HECTD4: variants seen among roughly 807,000 people sequenced by gnomAD.
The protein encoded by HECTD4 is HECT domain E3 ubiquitin protein ligase 4, also known as probable E3 ubiquitin-protein ligase HECTD4.
In HECTD4, 114 loss-of-function variants were observed where a neutral mutation model predicts 471.5. The observed-to-expected ratio is 0.24, with a 90% CI of 0.21 to 0.28. The LOEUF (loss-of-function observed/expected upper bound fraction) is 0.28. Among genes scored for constraint, HECTD4 ranks in the 10% least tolerant of loss-of-function variants. HECTD4 has a pLI of 1.00. For synonymous variants in HECTD4, 2,012 were observed against 2,256.0 expected (o/e 0.89, Z 3.07); for missense variants, 3,866 against 5,651.5 (o/e 0.68, Z 10.13).
rs148734791 is a variant in HECTD4 at position 112,167,718 on chromosome 12, G to A, written c.12312+96C>T. On this transcript the variant is annotated intron_variant, in intron 71 of 75. Coordinates refer to ENST00000682272, the MANE Select transcript of HECTD4 (RefSeq NM_001388303.1). ...CACAGATTGGGAGGGTTTCTGAAAC[G>A]GTTTGGCTTTGATGAGACACACACT... 7.4e-5 allele frequency: 89 copies of A among 1,208,568 alleles called. 1 individual carries two copies. The African/African-American group carries it at 1.2e-3, about 16-fold the overall frequency. The allele number at this position is 1,208,568 out of a possible 1,614,324, so 74.9% of individuals were successfully genotyped here.
chr12:112,379,992 T>C (rs923853552), intron 1 of HECTD4, among the ~76,000 whole-genome samples: 1 of 151,546 alleles, frequency 6.6e-6, no homozygotes, highest in Admixed American at 6.6e-5. Flanking sequence ...TCTGTGGAAA[T>C]AGCTGACAAA....
chr12:112,301,467 C>G (rs545320298), intron 7 of HECTD4, among the ~76,000 whole-genome samples: 5 of 152,284 alleles, frequency 3.3e-5, no homozygotes, highest in African/African-American at 1.2e-4. Context: ...CAGGTGTGAG[C>G]CACTGCACCC....
intron 20 of HECTD4, chr12:112,256,768 A>G: frequency 3.5e-6 from 1 of 286,784 alleles, no homozygotes; most frequent in East Asian, 6.1e-5. Context: ...CAAGAAGCAG[A>G]GATATATTTT....
chr12:112,264,336 G>T, intron 16 of HECTD4, 124 bp from the exon 17 acceptor site: 1 of 984,050 alleles, frequency 1.0e-6, no homozygotes, highest in Non-Finnish European at 1.4e-6. Context: ...AACAGACCAA[G>T]TTAGTTTTTC....
rs976788217 is a variant in HECTD4, at chr12:112,173,063, G to A, written c.11595-202C>T. The stretch of plus-strand genomic sequence containing the variant: ...AGAAGCAAGCCAAGCATGCCGGTGG[G>A]AGTGGGAATGCTGCATCCTTCTGGG... On this transcript the variant is annotated intron_variant, in intron 66 of 75. Coordinates refer to ENST00000682272, the MANE Select transcript of HECTD4 (RefSeq NM_001388303.1). This position sits in a 1 kb window ranked among gnomAD's most constrained non-coding sequence, Gnocchi z 4.3. 5.3e-5 allele frequency among the ~76,000 whole-genome samples: 8 copies of A among 152,288 alleles called. No homozygotes were observed. Among genetic ancestry groups the A allele is most frequent in the Middle Eastern group, 3.4e-3 (1 of 294 alleles).
chr12:112,201,042 A>T (rs2032413903), intron 54 of HECTD4: 1 of 570,238 alleles, frequency 1.8e-6, no homozygotes, highest in East Asian at 4.3e-5. Context: ...TAAACTTGCT[A>T]TGTGCTTTTC....
At chr12:112,240,147 G>A in intron 32 of HECTD4, 120 bp from the exon 33 acceptor site, 1 of 1,034,188 alleles carries the variant, frequency 9.7e-7, no homozygotes. Flanking sequence ...AAGGGATCTT[G>A]GAGAACATCC....
chr12:112,216,519 C>T (rs553369181), intron 47 of HECTD4, 148 bp from the exon 48 acceptor site: 9 of 679,356 alleles, frequency 1.3e-5, no homozygotes, highest in Non-Finnish European at 2.3e-5. Flanking sequence ...ATACCCACAC[C>T]AATATTTCCC....
rs1265234048 is a variant in HECTD4 at position 112,212,695 on chromosome 12, T to C, written c.7466-45A>G. ...GGAAAACATATTTTCTCCCTTTTAT[T>C]AAGTAAATTTTAAATTTGCAACCGG... On this transcript the variant is annotated intron_variant, in intron 48 of 75. Coordinates refer to ENST00000682272, the MANE Select transcript of HECTD4 (RefSeq NM_001388303.1). 4 of 1,532,040 alleles carry C rather than the reference T, an allele frequency of 2.6e-6. No homozygotes were observed. In the African/African-American group the frequency reaches 5.6e-5, roughly 21 times the overall value. The allele number at this position is 1,532,040 out of a possible 1,614,324, so 94.9% of individuals were successfully genotyped here. A position where few individuals can be genotyped will look rare whatever the true frequency, so the allele number is the denominator to read the frequency against.
chr12:112,225,032 G>A (rs959719342), intron 44 of HECTD4, among the ~76,000 whole-genome samples: 1 of 152,088 alleles, frequency 6.6e-6, no homozygotes, highest in Admixed American at 6.6e-5. Context: ...CACCCTTGAC[G>A]CCTAGCACAC....
intron 6 of HECTD4, 48 bp downstream of exon 6, chr12:112,308,705 T>C (rs1348246161): frequency 2.4e-5 from 35 of 1,482,260 alleles, no homozygotes; most frequent in Non-Finnish European, 3.1e-5. Context: ...GGAACTTTCT[T>C]TATTGCCTCT....
rs1474150575 is a variant in HECTD4, at chr12:112,212,596, C to A, written c.7520G>T (p.Gly2507Val). 1 of 1,613,854 alleles carries A rather than the reference C, an allele frequency of 6.2e-7. No individual in the cohort carries two copies. Among genetic ancestry groups the A allele is most frequent in the Non-Finnish European group, 8.5e-7 (1 of 1,179,866 alleles). The change falls in exon 49 of 76, where the codon GGA becomes GTA. Residue 2507 changes from glycine (G) to valine (V), a missense_variant. Physicochemically the swap from Gly to Val is moderately radical, Grantham distance 109 (BLOSUM62 -3). Around this residue, in one of 16 missense-constraint regions of HECTD4, gnomAD observed 617 missense variants for 915.1 expected, o/e 0.67. Coordinates refer to ENST00000682272, the MANE Select transcript of HECTD4 (RefSeq NM_001388303.1). ...GTACACCCGGCCCTTGGCTGGCTGT[C>A]CCGGAGGAGGTGGAGTCCCCTCAGT... ...ERTEGTPPPPGQPAKGRVYFT... is the reference protein window; with the variant it reads ...ERTEGTPPPPVQPAKGRVYFT...
At chr12:112,219,516 G>A in intron 44 of HECTD4, 27 bp from the exon 45 acceptor site, 2 of 1,548,494 alleles carry the variant, frequency 1.3e-6, no homozygotes, top group South Asian at 1.1e-5. Flanking sequence ...TTGAATCTGT[G>A]AAAACAACTC....
At chr12:112,258,861 T>G (rs949613728) in intron 19 of HECTD4, 2 of 562,244 alleles carry the variant, frequency 3.6e-6, no homozygotes, top group Non-Finnish European at 6.1e-6. Flanking sequence ...GCATTGTATA[T>G]TAGCATTTTT....
rs1200137373 is a variant in HECTD4 at position 112,213,518 on chromosome 12, C to T, written c.7466-868G>A. 6.6e-6 allele frequency among the ~76,000 whole-genome samples: 1 copy of T among 151,204 alleles called. No homozygotes were observed. The highest frequency in any genetic ancestry group is 1.5e-5 in the Non-Finnish European group (1 of 67,882). On this transcript the variant is annotated intron_variant, in intron 48 of 75. Coordinates refer to ENST00000682272, the MANE Select transcript of HECTD4 (RefSeq NM_001388303.1). The surrounding 1 kb of genome is among the most constrained non-coding windows in gnomAD (Gnocchi z 4.0). The stretch of plus-strand genomic sequence containing the variant: ...TGGCTAACACGGTGAAACCCTGTCT[C>T]TACTAAAAATACAAAAATTTCGCCG...
intron 1 of HECTD4, among the ~76,000 whole-genome samples, chr12:112,324,284 A>T (rs1178920450): frequency 6.7e-6 from 1 of 149,702 alleles, no homozygotes; most frequent in Admixed American, 6.7e-5. Context: ...TATGCAGCTA[A>T]TTTTTTGTAT....
At chr12:112,306,981 G>A (rs1251552736) in intron 6 of HECTD4, among the ~76,000 whole-genome samples, 2 of 152,076 alleles carry the variant, frequency 1.3e-5, no homozygotes, top group Non-Finnish European at 2.9e-5. Context: ...CATTAAATGT[G>A]TAGCTACATA....
intron 72 of HECTD4, 68 bp downstream of exon 72, chr12:112,167,249 G>C: frequency 1.4e-6 from 2 of 1,392,340 alleles, no homozygotes; most frequent in Non-Finnish European, 2.0e-6. Context: ...GGTCTGCATG[G>C]AGGCCTAAGC....
intron 1 of HECTD4, among the ~76,000 whole-genome samples, chr12:112,371,393 T>C (rs2036665449): frequency 6.6e-6 from 1 of 151,808 alleles, no homozygotes; most frequent in Non-Finnish European, 1.5e-5. Context: ...CTGACCAACG[T>C]AGTGAAACCC....
Sources: allele counts gnomAD v4.1 joint callset (sites outside exome capture counted in the v4.1 genomes callset), GRCh38; gene constraint gnomAD v4.1.1; regional missense constraint gnomAD v4.1.1; non-coding constraint Gnocchi (gnomAD v3.1); transcripts MANE v1.5; gene names NCBI Gene and HGNC (gene_info 2026-07-23, HGNC 2026-07-21).